TSC22D2: variants seen among roughly 807,000 people sequenced by gnomAD.
TSC22D2 encodes TSC22 domain family protein 2.
A neutral mutation model predicts 50.1 loss-of-function variants in TSC22D2; 5 were observed. The ratio of observed to expected loss-of-function variants is 0.10; its 90% CI spans 0.05 to 0.21. The LOEUF is 0.21. Among genes scored for constraint, TSC22D2 ranks in the 10% least tolerant of loss-of-function variants. TSC22D2 has a pLI of 1.00. For missense variants in TSC22D2, 1,003 were observed against 1,015.5 expected (o/e 0.99, Z 0.17); for synonymous variants, 501 against 450.1 (o/e 1.11, Z -1.43).
chr3:150,411,392 C>G, intron 1 of TSC22D2, 84 bp downstream of exon 1: 2 of 1,376,910 alleles, frequency 1.5e-6, no homozygotes, highest in Non-Finnish European at 2.0e-6. Context: ...AGATTGTTGT[C>G]AACGGAGGCC....
chr3:150,438,108 G>A (rs1441040887), intron 1 of TSC22D2: 1 of 285,620 alleles, frequency 3.5e-6, no homozygotes, highest in Non-Finnish European at 7.7e-6. Context: ...AATATCAGTT[G>A]TATAATCATG....
rs1245164288 is a variant in TSC22D2 at position 150,458,438 on chromosome 3, A to G, written c.2073A>G (p.Gln691=). The change falls in exon 3 of 3, where the codon CAA becomes CAG. Residue 691 remains glutamine, a synonymous_variant. Coordinates refer to ENST00000688009, the MANE Select transcript of TSC22D2 (RefSeq NM_001303264.2). The stretch of plus-strand genomic sequence containing the variant: ...AAGAAGTGGAAGTTTTAAAGGAACA[A>G]ATAAAAGAATTAGTTGAAAGAAACT... ...VREEVEVLKE[Q]IKELVERNSL... is the part of the protein sequence containing the mutation. 6.2e-7 allele frequency: 1 copy of G among 1,614,160 alleles called. No homozygotes were observed. Among genetic ancestry groups the G allele is most frequent in the Non-Finnish European group, 8.5e-7 (1 of 1,179,992 alleles).
Position 150,408,348 on chromosome 3 carries a change from G to C in TSC22D2, c.-1003G>C, listed in dbSNP as rs2108049597. The C allele has an allele frequency of 6.5e-6, 1 of 153,356 alleles. No individual in the cohort carries two copies. The highest frequency in any genetic ancestry group is 2.4e-5 in the African/African-American group (1 of 41,570). The allele number at this position is 153,356 out of a possible 1,614,324, so 9.5% of individuals were successfully genotyped here. ...GCTGCTGCTCCTCCCAGCATCCCTG[G>C]CGCGGCCATTTCAGCCCCATCTTGG... On this transcript the variant is annotated 5_prime_UTR_variant, in exon 1 of 3. Coordinates refer to ENST00000688009, the MANE Select transcript of TSC22D2 (RefSeq NM_001303264.2).
In TSC22D2 at chr3:150,410,815, A is replaced by G. The variant is rs764622356; in HGVS notation, c.1465A>G (p.Ser489Gly). Residue 489 changes from serine (S) to glycine (G), a missense_variant, in exon 1 of 3, where the codon AGT (serine) becomes GGT (glycine). Transcript: ENST00000688009. ...CGTGCCTCCGCCGCAGATGGGTGGCAGTGGTCCGCTGTCAGCCGTACCTGG... is the reference window on the plus strand; with the variant it reads ...CGTGCCTCCGCCGCAGATGGGTGGCGGTGGTCCGCTGTCAGCCGTACCTGG... ...QSVPPPQMGG[S>G]GPLSAVPGGP... The G allele has an allele frequency of 1.9e-6, 3 of 1,613,338 alleles. No individual in the cohort carries two copies. The highest frequency in any genetic ancestry group is 1.3e-5 in the African/African-American group (1 of 75,014).
intron 1 of TSC22D2, among the ~76,000 whole-genome samples, chr3:150,414,833 A>G (rs1014970239): frequency 2.6e-5 from 4 of 151,630 alleles, no homozygotes; most frequent in African/African-American, 7.3e-5. Context: ...CACTGAATTG[A>G]AGTCTCTAAA....
chr3:150,455,917 TA>T (rs1721172673), intron 1 of TSC22D2, among the ~76,000 whole-genome samples: 1 of 151,462 alleles, frequency 6.6e-6, no homozygotes, highest in Non-Finnish European at 1.5e-5. Context: ...TAAAAAACAA[TA>T]AAAGGGTATA....
rs756007680 is a variant in TSC22D2 at position 150,409,954 on chromosome 3, A to T, written c.604A>T (p.Ile202Phe). ...SSVLTRSGDC[I>F]RHSSTFDQTA... is the part of the protein sequence containing the mutation. ...CGTCCTGACTAGATCCGGGGATTGCATTAGACACAGCAGTACTTTTGACCA... is the reference window on the plus strand; with the variant it reads ...CGTCCTGACTAGATCCGGGGATTGCTTTAGACACAGCAGTACTTTTGACCA... Residue 202 changes from isoleucine (I) to phenylalanine (F), a missense_variant, in exon 1 of 3, where the codon ATT becomes TTT. Ile to Phe is a conservative substitution (Grantham distance 21). Transcript: ENST00000688009. The surrounding 1 kb of genome is among the most constrained non-coding windows in gnomAD (Gnocchi z 7.4). 3.7e-6 allele frequency: 6 copies of T among 1,613,940 alleles called. 1 individual carries two copies. The South Asian group carries it at 6.6e-5, about 18-fold the overall frequency.
Position 150,410,857 on chromosome 3 carries a change from G to A in TSC22D2, c.1507G>A (p.Val503Met), listed in dbSNP as rs373663680. Residue 503 changes from valine (V) to methionine (M), a missense_variant, in exon 1 of 3, where the codon GTG becomes ATG. Around this residue, in one of 6 missense-constraint regions of TSC22D2, gnomAD observed 696 missense variants for 647.8 expected, o/e 1.07. Transcript: ENST00000688009. ...CGTACCTGGTGGCCCTCACGCCGTGGTGCCCGGAGTTCCAAACGTGCCTGC... is the reference window on the plus strand; with the variant it reads ...CGTACCTGGTGGCCCTCACGCCGTGATGCCCGGAGTTCCAAACGTGCCTGC... The part of the protein sequence containing the change: ...SAVPGGPHAV[V>M]PGVPNVPAAV... 2 of 1,613,806 alleles carry A rather than the reference G, an allele frequency of 1.2e-6. No homozygotes were observed. Among genetic ancestry groups the A allele is most frequent in the South Asian group, 1.1e-5 (1 of 91,068 alleles).
chr3:150,432,504 A>C (rs937500409), intron 1 of TSC22D2, among the ~76,000 whole-genome samples: 1 of 151,404 alleles, frequency 6.6e-6, no homozygotes, highest in East Asian at 1.9e-4. Context: ...AAGTGTATGT[A>C]TGTTTGTACA....
Position 150,411,314 on chromosome 3 carries a change from G to C in TSC22D2, c.1958+6G>C. ...GTTGATGGTGATGAAGACAGGTATGGAAATCTCTATTTTAAATATTTGATA... is the reference window on the plus strand; with the variant it reads ...GTTGATGGTGATGAAGACAGGTATGCAAATCTCTATTTTAAATATTTGATA... On this transcript the variant is annotated splice_donor_region_variant and intron_variant, in intron 1 of 2. Coordinates refer to ENST00000688009, the MANE Select transcript of TSC22D2 (RefSeq NM_001303264.2). The C allele has an allele frequency of 6.3e-7, 1 of 1,589,642 alleles. No individual in the cohort carries two copies. Among genetic ancestry groups the C allele is most frequent in the Non-Finnish European group, 8.6e-7 (1 of 1,166,460 alleles).
At chr3:150,415,811 T>A (rs989148720) in intron 1 of TSC22D2, among the ~76,000 whole-genome samples, 2 of 152,112 alleles carry the variant, frequency 1.3e-5, no homozygotes, top group Non-Finnish European at 2.9e-5. Context: ...CAAGGACCTG[T>A]CTGTAAAAAG....
At position 150,459,468 on chromosome 3, in the gene TSC22D2, G is replaced by A. The variant is rs148546053; in HGVS notation, c.*832G>A. ...CGATTCCTCTGCTTTTCAACATTTCGTATGACTTTTTTTTCGGGTGGGAAT... is the reference window on the plus strand; with the variant it reads ...CGATTCCTCTGCTTTTCAACATTTCATATGACTTTTTTTTCGGGTGGGAAT... On this transcript the variant is annotated 3_prime_UTR_variant, in exon 3 of 3. Coordinates refer to ENST00000688009, the MANE Select transcript of TSC22D2 (RefSeq NM_001303264.2). 3.7e-4 allele frequency: 56 copies of A among 151,600 alleles called. No homozygotes were observed. The highest frequency in any genetic ancestry group is 1.3e-3 in the African/African-American group (54 of 41,206). 9.4% of individuals were successfully genotyped at this position (151,600 alleles called of 1,614,324 possible). A position where few individuals can be genotyped will look rare whatever the true frequency, so the allele number is the denominator to read the frequency against.
At position 150,459,880 on chromosome 3, in the gene TSC22D2, T is replaced by C. The variant is rs1721336536; in HGVS notation, c.*1244T>C. On this transcript the variant is annotated 3_prime_UTR_variant, in exon 3 of 3. Coordinates refer to ENST00000688009, the MANE Select transcript of TSC22D2 (RefSeq NM_001303264.2). The stretch of plus-strand genomic sequence containing the variant: ...TCTTTTGTTCATTTAAAATGGTGTT[T>C]TGAATTTCGTATGCAGAAAACGTTT... 6.6e-6 allele frequency: 1 copy of C among 151,592 alleles called. No homozygotes were observed. Among genetic ancestry groups the C allele is most frequent in the Non-Finnish European group, 1.5e-5 (1 of 67,862 alleles). The allele number at this position is 151,592 out of a possible 1,614,324, so 9.4% of individuals were successfully genotyped here.
intron 1 of TSC22D2, among the ~76,000 whole-genome samples, chr3:150,426,849 T>C (rs1720208341): frequency 6.6e-6 from 1 of 152,186 alleles, no homozygotes; most frequent in Admixed American, 6.5e-5. Context: ...CAAATTGTTT[T>C]CTACAGTGAT....
At position 150,409,696 on chromosome 3, in the gene TSC22D2, G is replaced by C; in HGVS notation, c.346G>C (p.Ala116Pro). The C allele has an allele frequency of 1.3e-6, 2 of 1,587,734 alleles. No homozygotes were observed. The highest frequency in any genetic ancestry group is 1.7e-6 in the Non-Finnish European group (2 of 1,169,418). The stretch of plus-strand genomic sequence containing the variant: ...CGTTTCGGCCCGGAGCGTGTCTGGG[G>C]CGCTCGCCAGTACCCTGGCGGCGGC... ...GVVSARSVSG[A>P]LASTLAAAAT... The change falls in exon 1 of 3, where the codon GCG becomes CCG. Residue 116 changes from alanine to proline, a missense_variant. Ala to Pro is a conservative substitution (Grantham distance 27). Coordinates refer to ENST00000688009, the MANE Select transcript of TSC22D2 (RefSeq NM_001303264.2). The surrounding 1 kb of genome is among the most constrained non-coding windows in gnomAD (Gnocchi z 7.4).
rs776249072 is a variant in TSC22D2 at position 150,410,933 on chromosome 3, T to C, written c.1583T>C (p.Met528Thr). ...VPSVSTTSVT[M>T]PNVPAPLAQS... ...AGTGTGTCTACCACTTCTGTTACTA[T>C]GCCAAATGTACCCGCGCCTCTGGCC... The change falls in exon 1 of 3, where the codon ATG becomes ACG. Residue 528 changes from methionine to threonine, a missense_variant. Met to Thr is a moderately conservative substitution (Grantham distance 81). This residue lies in a region of TSC22D2 where 696 missense variants were observed against 647.8 expected (regional missense o/e 1.07). Transcript: ENST00000688009. The C allele has an allele frequency of 6.2e-7, 1 of 1,614,116 alleles. No homozygotes were observed. Among genetic ancestry groups the C allele is most frequent in the Non-Finnish European group, 8.5e-7 (1 of 1,180,038 alleles).
In TSC22D2 at chr3:150,433,311, A is replaced by G. The variant is rs558314703; in HGVS notation, c.1958+22003A>G. 2.2e-3 allele frequency among the ~76,000 whole-genome samples: 330 copies of G among 152,334 alleles called. 1 individual carries two copies. Among genetic ancestry groups the G allele is most frequent in the African/African-American group, 7.6e-3 (317 of 41,582 alleles). Reference sequence around the variant, plus strand: ...AAGTTAAAGTATGTATGCAGACAGCATGGCTGTCAGTGTCCCCAGCTGTTT... The same window carrying G: ...AAGTTAAAGTATGTATGCAGACAGCGTGGCTGTCAGTGTCCCCAGCTGTTT... On this transcript the variant is annotated intron_variant, in intron 1 of 2. Coordinates refer to ENST00000688009, the MANE Select transcript of TSC22D2 (RefSeq NM_001303264.2).
At chr3:150,421,423 G>A (rs958095645) in intron 1 of TSC22D2, among the ~76,000 whole-genome samples, 7 of 152,168 alleles carry the variant, frequency 4.6e-5, no homozygotes, top group African/African-American at 1.4e-4. Context: ...TAAGTACAGC[G>A]AAAAAAGTGG....
At chr3:150,448,245 G>A (rs575886792) in intron 1 of TSC22D2, among the ~76,000 whole-genome samples, 1 of 152,266 alleles carries the variant, frequency 6.6e-6, no homozygotes, top group East Asian at 1.9e-4. Flanking sequence ...GGAGGCCAAG[G>A]TGGGAGGATT....
Sources: gnomAD v4.1 joint callset for allele counts (sites outside exome capture counted in the v4.1 genomes callset) on GRCh38, gnomAD v4.1.1 for gene constraint, gnomAD v4.1.1 regional missense constraint, Gnocchi (gnomAD v3.1) non-coding constraint, MANE v1.5 for transcripts, NCBI Gene and HGNC (gene_info 2026-07-23, HGNC 2026-07-21) for gene names.